The following TMEM117 variants were observed in gnomAD, a reference collection of about 807,000 sequenced individuals.
TMEM117 encodes the protein transmembrane protein 117.
Under a neutral mutation model 52.4 loss-of-function variants are expected in TMEM117, and 27 were observed. That is an observed-to-expected ratio of 0.51 (90% confidence interval 0.38 to 0.71). The LOEUF is 0.71. Ranked by LOEUF, TMEM117 falls within the 30% of genes least tolerant of loss-of-function variation. The probability of loss-of-function intolerance (pLI) is 0.00; values close to 1 mark genes in which losing one functional copy is unlikely to be tolerated. For synonymous variants in TMEM117, 215 were observed against 206.3 expected (o/e 1.04, Z -0.36); for missense variants, 556 against 630.5 (o/e 0.88, Z 1.26).
intron 4 of TMEM117, among the ~76,000 whole-genome samples, chr12:44,196,617 T>G (rs1042789620): frequency 2.0e-5 from 3 of 152,242 alleles, no homozygotes; most frequent in Non-Finnish European, 4.4e-5. Flanking sequence ...ACTTATATCT[T>G]AAATAAAAAT....
chr12:43,866,923 T>TC (rs756699088), intron 2 of TMEM117, among the ~76,000 whole-genome samples: 1 of 152,158 alleles, frequency 6.6e-6, no homozygotes, highest in Non-Finnish European at 1.5e-5. Context: ...AAACACCGTC[T>TC]CTACTAAAAA....
intron 5 of TMEM117, among the ~76,000 whole-genome samples, chr12:44,269,792 A>G (rs115584644): frequency 0.029 from 4,367 of 152,216 alleles, 211 homozygotes; most frequent in African/African-American, 0.1. Context: ...ATATCAGCAC[A>G]TATGCTTCTT....
At chr12:44,104,907 T>A (rs1947926584) in intron 3 of TMEM117, among the ~76,000 whole-genome samples, 1 of 151,940 alleles carries the variant, frequency 6.6e-6, no homozygotes, top group South Asian at 2.1e-4. Context: ...TCAAGATTTT[T>A]AAAAAATATA....
chr12:43,967,155 G>GTC (rs1171246464), intron 3 of TMEM117, among the ~76,000 whole-genome samples: 1 of 148,128 alleles, frequency 6.8e-6, no homozygotes, highest in Non-Finnish European at 1.5e-5. Flanking sequence ...TGAGTGAGGC[G>GTC]TCATTCTGTC....
chr12:43,805,493 T>G, the TMEM117 span: 2 of 455,116 alleles, frequency 4.4e-6, no homozygotes, highest in South Asian at 3.1e-5. Flanking sequence ...AACCCGGGGA[T>G]ATATTATTTG....
At chr12:43,803,364 G>A in the TMEM117 span, among the ~76,000 whole-genome samples, 1 of 152,052 alleles carries the variant, frequency 6.6e-6, no homozygotes, top group Non-Finnish European at 1.5e-5. Flanking sequence ...AAGCAAAATT[G>A]TTTAAAGGGG....
chr12:43,944,343 G>A lies in TMEM117; in HGVS notation c.410+1G>A, dbSNP rs1266551402. 1 of 1,609,216 alleles carries A rather than the reference G, an allele frequency of 6.2e-7. No homozygotes were observed. The highest frequency in any genetic ancestry group is 8.5e-7 in the Non-Finnish European group (1 of 1,177,592). On this transcript the variant is annotated splice_donor_variant, in intron 3 of 7. Transcript: ENST00000266534. LOFTEE classifies it high-confidence loss of function. Reference sequence around the variant, plus strand: ...TTCTTCTAATGGATGGGAACATGGGGTAGGTTTTCTTTCCCCTTTCTACTG... The same window carrying A: ...TTCTTCTAATGGATGGGAACATGGGATAGGTTTTCTTTCCCCTTTCTACTG...
At chr12:44,328,565 C>T (rs1020116425) in intron 6 of TMEM117, among the ~76,000 whole-genome samples, 7 of 152,070 alleles carry the variant, frequency 4.6e-5, no homozygotes, top group Admixed American at 3.3e-4. Flanking sequence ...AAATTCTAGC[C>T]AGACAAAGCA....
chr12:43,870,146 T>C (rs1205062356), intron 2 of TMEM117, among the ~76,000 whole-genome samples: 5 of 152,244 alleles, frequency 3.3e-5, no homozygotes, highest in African/African-American at 1.2e-4. Flanking sequence ...GTATGTACCA[T>C]AATTTCTTTA....
intron 3 of TMEM117, among the ~76,000 whole-genome samples, chr12:44,054,703 TTTTTTTTCA>T: frequency 6.6e-6 from 1 of 151,202 alleles, no homozygotes; most frequent in South Asian, 2.1e-4. Context: ...ATAGGATTAT[TTTTTTTTCA>T]ATTTTTTTTT....
At chr12:43,903,701 T>C (rs949099590) in intron 2 of TMEM117, among the ~76,000 whole-genome samples, 8 of 152,180 alleles carry the variant, frequency 5.3e-5, no homozygotes, top group African/African-American at 1.9e-4. Flanking sequence ...GAGTTTCTGC[T>C]AGTGAGCTCT....
intron 4 of TMEM117, among the ~76,000 whole-genome samples, chr12:44,146,614 A>G (rs1372886463): frequency 6.6e-6 from 1 of 152,164 alleles, no homozygotes; most frequent in Non-Finnish European, 1.5e-5. Context: ...TTCTATTCCC[A>G]TTTCTATTCA....
chr12:44,169,028 T>C (rs1252320048), intron 4 of TMEM117, among the ~76,000 whole-genome samples: 1 of 152,234 alleles, frequency 6.6e-6, no homozygotes, highest in Non-Finnish European at 1.5e-5. Context: ...GTAGCATATG[T>C]CAGAATTTCC....
At chr12:44,047,418 G>T (rs1480220434) in intron 3 of TMEM117, among the ~76,000 whole-genome samples, 2 of 152,078 alleles carry the variant, frequency 1.3e-5, no homozygotes, top group African/African-American at 4.8e-5. Flanking sequence ...GGCAACCTTG[G>T]ATTACTAGAT....
intron 5 of TMEM117, among the ~76,000 whole-genome samples, chr12:44,293,542 A>G (rs1022386054): frequency 6.6e-6 from 1 of 151,804 alleles, no homozygotes; most frequent in Non-Finnish European, 1.5e-5. Context: ...GATTTCCTAT[A>G]ATCTTATATT....
At chr12:43,943,176 CAAA>C (rs10667663) in intron 2 of TMEM117, among the ~76,000 whole-genome samples, 1,521 of 72,152 alleles carry the variant, frequency 0.021, 17 homozygotes, top group African/African-American at 0.077. Context: ...GACTCTGTCT[CAAA>C]AAAAAAAAAA....
At chr12:44,145,431 G>C (rs186447890) in intron 4 of TMEM117, among the ~76,000 whole-genome samples, 2 of 152,234 alleles carry the variant, frequency 1.3e-5, no homozygotes, top group African/African-American at 4.8e-5. Context: ...AACAGTTCTC[G>C]GAGGCTCAGT....
chr12:44,215,459 C>T (rs1050814128), intron 5 of TMEM117, among the ~76,000 whole-genome samples: 8 of 150,554 alleles, frequency 5.3e-5, no homozygotes, highest in South Asian at 2.1e-4. Context: ...AAGCCCTTTC[C>T]GTAGTCCTTT....
At chr12:43,977,519 A>T (rs1037264915) in intron 3 of TMEM117, among the ~76,000 whole-genome samples, 1 of 152,172 alleles carries the variant, frequency 6.6e-6, no homozygotes. Context: ...TGCGGGTTTT[A>T]TGTCTAGAGA....
Sources: allele counts gnomAD v4.1 joint callset (sites outside exome capture counted in the v4.1 genomes callset), GRCh38; gene constraint gnomAD v4.1.1; transcripts MANE v1.5; gene names NCBI Gene and HGNC (gene_info 2026-07-23, HGNC 2026-07-21).